The following SEC11A variants were observed in gnomAD, a reference collection of about 807,000 sequenced individuals.
The protein encoded by SEC11A is SEC11 homolog A, signal peptidase complex subunit.
Under a neutral mutation model 25.6 loss-of-function variants are expected in SEC11A, and 14 were observed. The observed-to-expected ratio is 0.55, with a 90% CI of 0.36 to 0.85. SEC11A has a LOEUF of 0.85. Ranked by LOEUF, SEC11A falls within the 40% of genes least tolerant of loss-of-function variation. The pLI is 0.01. For missense variants in SEC11A, 153 were observed against 222.9 expected (o/e 0.69, Z 2.00); for synonymous variants, 83 against 76.4 (o/e 1.09, Z -0.45).
intron 1 of SEC11A, among the ~76,000 whole-genome samples, chr15:84,692,903 T>C (rs1273451890): frequency 6.6e-6 from 1 of 152,186 alleles, no homozygotes; most frequent in African/African-American, 2.4e-5. Context: ...TGGAGTGCAG[T>C]GGCACAATCA....
chr15:84,691,739 T>C (rs1298975891), intron 1 of SEC11A, 95 bp from the exon 2 acceptor site: 5 of 679,320 alleles, frequency 7.4e-6, no homozygotes, highest in South Asian at 1.8e-5. Context: ...CAAGCAGTAC[T>C]ATTAGGACAA....
At chr15:84,705,854 A>G (rs915847257) in intron 1 of SEC11A, among the ~76,000 whole-genome samples, 6 of 146,680 alleles carry the variant, frequency 4.1e-5, no homozygotes, top group African/African-American at 1.5e-4. Flanking sequence ...GATTCCATCA[A>G]AAAAAAAATT....
At chr15:84,702,533 G>A (rs1897979386) in intron 1 of SEC11A, among the ~76,000 whole-genome samples, 1 of 151,736 alleles carries the variant, frequency 6.6e-6, no homozygotes, top group African/African-American at 2.4e-5. Flanking sequence ...TCAAACTCCT[G>A]GGCTCAACAA....
At chr15:84,703,180 G>C (rs1486815662) in intron 1 of SEC11A, among the ~76,000 whole-genome samples, 1 of 152,150 alleles carries the variant, frequency 6.6e-6, no homozygotes, top group Non-Finnish European at 1.5e-5. Flanking sequence ...GTTTGCTACT[G>C]AGTTCTTGTA....
At chr15:84,708,371 A>ATAAAGATT (rs1898161694) in intron 1 of SEC11A, among the ~76,000 whole-genome samples, 2 of 152,108 alleles carry the variant, frequency 1.3e-5, no homozygotes, top group Non-Finnish European at 2.9e-5. Context: ...CCTGCCAGTA[A>ATAAAGATT]TAAAGATTTT....
chr15:84,702,903 T>G (rs187260875), intron 1 of SEC11A, among the ~76,000 whole-genome samples: 1 of 152,234 alleles, frequency 6.6e-6, no homozygotes, highest in East Asian at 1.9e-4. Context: ...CTTACTCTAT[T>G]TATTTAGTAA....
intron 3 of SEC11A, among the ~76,000 whole-genome samples, chr15:84,683,934 T>A (rs1897346647): frequency 6.6e-6 from 1 of 152,184 alleles, no homozygotes; most frequent in Non-Finnish European, 1.5e-5. Context: ...AAGGACCAAA[T>A]ATTTAATATT....
At chr15:84,679,345 G>C in intron 4 of SEC11A, 1 of 680,676 alleles carries the variant, frequency 1.5e-6, no homozygotes, top group East Asian at 6.7e-5. Flanking sequence ...CCTTAAAGCG[G>C]GGACATATTA....
Position 84,670,724 on chromosome 15 carries a change from C to T in SEC11A, c.489+1G>A. The T allele has an allele frequency of 7.2e-7, 1 of 1,383,584 alleles. No homozygotes were observed. The highest frequency in any genetic ancestry group is 1.3e-5 in the South Asian group (1 of 79,010). The allele number at this position is 1,383,584 out of a possible 1,614,324, so 85.7% of individuals were successfully genotyped here. A position where few individuals can be genotyped will look rare whatever the true frequency, so the allele number is the denominator to read the frequency against. On this transcript the variant is annotated splice_donor_variant, in intron 5 of 5. Coordinates refer to ENST00000268220, the MANE Select transcript of SEC11A (RefSeq NM_014300.4). LOFTEE classifies it high-confidence loss of function. ...ATAAAACAAATAATACAGACTCTTA[C>T]CTTAAATTTAGGATAGTCATTCATG...
rs145372840 is a variant in SEC11A at position 84,681,801 on chromosome 15, G to A, written c.312-969C>T. ...ATACTAAAGAATTGTTTGGCCAGGG[G>A]CAGTGGCTCACTCCTGTAATCCTAG... On this transcript the variant is annotated intron_variant, in intron 3 of 5. Transcript: ENST00000268220. Among the ~76,000 whole-genome samples, 606 of 152,172 alleles carry A rather than the reference G, an allele frequency of 4.0e-3. 2 individuals are homozygous for A. Among genetic ancestry groups the A allele is most frequent in the African/African-American group, 0.014 (576 of 41,516 alleles).
chr15:84,673,482 C>A, intron 4 of SEC11A: 1 of 171,062 alleles, frequency 5.8e-6, no homozygotes. Context: ...GTCTTCACCC[C>A]TCTCTGTCCT....
chr15:84,689,386 A>G (rs111357263), intron 2 of SEC11A, among the ~76,000 whole-genome samples: 5,608 of 152,304 alleles, frequency 0.037, 144 homozygotes, highest in Middle Eastern at 0.1. Context: ...TTAAATATGT[A>G]CAGCTTTTTG....
chr15:84,691,671 G>C lies in SEC11A; in HGVS notation c.52-27C>G, dbSNP rs755489885. On this transcript the variant is annotated intron_variant, in intron 1 of 5. Transcript: ENST00000268220. ...TGCAAGAACAAAACAGAAGAGATCA[G>C]ATCCACCATTATCCCCACTTCGGAA... is the stretch of plus-strand genomic sequence containing the variant. 4 of 1,329,058 alleles carry C rather than the reference G, an allele frequency of 3.0e-6. No homozygotes were observed. The East Asian group carries it at 9.2e-5, about 31-fold the overall frequency. The allele number at this position is 1,329,058 out of a possible 1,614,324, so 82.3% of individuals were successfully genotyped here. A position where few individuals can be genotyped will look rare whatever the true frequency, so the allele number is the denominator to read the frequency against.
chr15:84,688,932 G>A (rs980512264), intron 2 of SEC11A, among the ~76,000 whole-genome samples: 7 of 151,574 alleles, frequency 4.6e-5, no homozygotes, highest in East Asian at 1.9e-4. Context: ...TCAGGAGGCT[G>A]ACGCAGAAGA....
intron 1 of SEC11A, among the ~76,000 whole-genome samples, chr15:84,706,670 C>A (rs1014415186): frequency 6.6e-6 from 1 of 152,204 alleles, no homozygotes; most frequent in Non-Finnish European, 1.5e-5. Context: ...TTTGTTTTAT[C>A]TTTATTCGAA....
At chr15:84,687,030 A>C (rs775202433) in intron 3 of SEC11A, 5 of 151,898 alleles carry the variant, frequency 3.3e-5, no homozygotes, top group Non-Finnish European at 7.3e-5. Context: ...CCACCACCAC[A>C]CCTGGCTAAT....
chr15:84,670,796 A>T lies in SEC11A; in HGVS notation c.432-14T>A, dbSNP rs1896963240. The T allele has an allele frequency of 1.5e-5, 20 of 1,319,566 alleles. No homozygotes were observed. The highest frequency in any genetic ancestry group is 2.1e-5 in the Non-Finnish European group (20 of 953,156). The allele number at this position is 1,319,566 out of a possible 1,614,324, so 81.7% of individuals were successfully genotyped here. A position where few individuals can be genotyped will look rare whatever the true frequency, so the allele number is the denominator to read the frequency against. On this transcript the variant is annotated splice_polypyrimidine_tract_variant and intron_variant, in intron 4 of 5. Transcript: ENST00000268220. ...TAAGGAACAAATCTAAAACAAACAA[A>T]AAACTGATTATCACAGAATTTCCGA...
Position 84,691,594 on chromosome 15 carries a change from C to T in SEC11A, c.102G>A (p.Met34Ile). The T allele has an allele frequency of 6.2e-7, 1 of 1,613,222 alleles. No individual in the cohort carries two copies. The highest frequency in any genetic ancestry group is 8.5e-7 in the Non-Finnish European group (1 of 1,179,362). The change falls in exon 2 of 6, where the codon ATG becomes ATA. Residue 34 changes from methionine (M) to isoleucine (I), a missense_variant. Transcript: ENST00000268220. ...NFGMIVSSALMIWKGLMVITG... is the reference protein window; with the variant it reads ...NFGMIVSSALIIWKGLMVITG... ...TTATTACCATTAACCCCTTCCAGAT[C>T]ATTAGTGCCGATGAGACAATCATTC...
intron 1 of SEC11A, among the ~76,000 whole-genome samples, chr15:84,712,449 CTT>C (rs150374364): frequency 0.013 from 1,746 of 130,204 alleles, 17 homozygotes; most frequent in South Asian, 0.046. Flanking sequence ...TCTTTTTTTT[CTT>C]TTTTTTTTTT....
Sources: gnomAD v4.1 joint callset for allele counts (sites outside exome capture counted in the v4.1 genomes callset) on GRCh38, gnomAD v4.1.1 for gene constraint, MANE v1.5 for transcripts, NCBI Gene and HGNC (gene_info 2026-07-23, HGNC 2026-07-21) for gene names.